Variants in MSH4 observed in about 807,000 individuals in gnomAD.
MSH4 encodes the protein mutS homolog 4.
MSH4 carries 106 observed loss-of-function variants against 113.7 expected under a neutral mutation model. The observed-to-expected ratio is 0.93, with a 90% CI of 0.80 to 1.10. The LOEUF is 1.10. Ranked by LOEUF, MSH4 falls within the 50% of genes least tolerant of loss-of-function variation. The pLI, the probability that MSH4 is intolerant of heterozygous loss-of-function variation, is 0.00. For synonymous variants in MSH4, 368 were observed against 380.2 expected (o/e 0.97, Z 0.37); for missense variants, 1,061 against 1,093.7 (o/e 0.97, Z 0.42).
intron 8 of MSH4, among the ~76,000 whole-genome samples, chr1:75,849,855 A>G (rs1307834378): frequency 6.6e-6 from 1 of 152,158 alleles, no homozygotes; most frequent in African/African-American, 2.4e-5. Context: ...TATAAATTCC[A>G]CTTATTAAAT....
intron 7 of MSH4, among the ~76,000 whole-genome samples, chr1:75,835,589 C>A: frequency 6.6e-6 from 1 of 152,132 alleles, no homozygotes; most frequent in East Asian, 1.9e-4. Context: ...CTAATTCCTC[C>A]ATCTGTTCCC....
chr1:75,875,438 ACATT>A (rs774030704), intron 9 of MSH4, among the ~76,000 whole-genome samples: 15 of 152,362 alleles, frequency 9.8e-5, no homozygotes, highest in Middle Eastern at 3.4e-3. Context: ...GGAGCAGCAC[ACATT>A]CATAACAGAA....
intron 14 of MSH4, among the ~76,000 whole-genome samples, chr1:75,882,194 G>T (rs1256527515): frequency 6.6e-6 from 1 of 151,952 alleles, no homozygotes; most frequent in East Asian, 1.9e-4. Flanking sequence ...TACTTTAGGG[G>T]TCAGATATTC....
At chr1:75,839,674 T>C (rs1477212302) in intron 7 of MSH4, among the ~76,000 whole-genome samples, 1 of 151,488 alleles carries the variant, frequency 6.6e-6, no homozygotes, top group East Asian at 1.9e-4. Context: ...AAATGGGATC[T>C]AATTAAACTA....
At chr1:75,828,360 A>G (rs909298766) in intron 7 of MSH4, among the ~76,000 whole-genome samples, 1 of 152,200 alleles carries the variant, frequency 6.6e-6, no homozygotes, top group African/African-American at 2.4e-5. Flanking sequence ...CTGCACTCAC[A>G]TGTTTATTGC....
chr1:75,861,405 C>G (rs1440606505), intron 8 of MSH4, among the ~76,000 whole-genome samples: 1 of 152,214 alleles, frequency 6.6e-6, no homozygotes, highest in Non-Finnish European at 1.5e-5. Context: ...ATGGTTTTAT[C>G]TACCTTTGTC....
At chr1:75,907,689 CATATATATA>C (rs1652694596) in intron 19 of MSH4, among the ~76,000 whole-genome samples, 4 of 78,622 alleles carry the variant, frequency 5.1e-5, no homozygotes, top group African/African-American at 1.2e-4. Context: ...TCTCTCTATA[CATATATATA>C]TATATATATA....
At chr1:75,831,443 A>G (rs1302760363) in intron 7 of MSH4, among the ~76,000 whole-genome samples, 2 of 152,170 alleles carry the variant, frequency 1.3e-5, no homozygotes, top group South Asian at 2.1e-4. Context: ...GACCTAACAG[A>G]CATCTACAGA....
intron 15 of MSH4, 97 bp from the exon 16 acceptor site, chr1:75,889,154 C>G: frequency 1.6e-6 from 1 of 621,454 alleles, no homozygotes; most frequent in South Asian, 1.9e-5. Context: ...TTCTTTCTAC[C>G]ATATAATCCT....
intron 7 of MSH4, 75 bp from the exon 8 acceptor site, chr1:75,848,134 G>A: frequency 1.1e-6 from 1 of 922,008 alleles, no homozygotes; most frequent in Non-Finnish European, 1.7e-6. Flanking sequence ...ATTCTTTGAG[G>A]ATAATATTTT....
chr1:75,889,388 T>A lies in MSH4; in HGVS notation c.2226+19T>A. ...GAAAGAGGTACCCAAACAAAACTTT[T>A]CTTATGTTAAAAACATTAAATTCTC... On this transcript the variant is annotated intron_variant, in intron 16 of 19. Coordinates refer to ENST00000263187, the MANE Select transcript of MSH4 (RefSeq NM_002440.4). The A allele has an allele frequency of 8.8e-7, 1 of 1,132,566 alleles. No individual in the cohort carries two copies. Among genetic ancestry groups the A allele is most frequent in the Non-Finnish European group, 1.3e-6 (1 of 780,212 alleles). The allele number at this position is 1,132,566 out of a possible 1,614,324, so 70.2% of individuals were successfully genotyped here.
intron 1 of MSH4, among the ~76,000 whole-genome samples, chr1:75,802,651 G>A (rs1433946739): frequency 3.3e-5 from 5 of 152,108 alleles, no homozygotes; most frequent in African/African-American, 7.2e-5. Context: ...TTTGCATAGG[G>A]GAGAGAAATT....
intron 2 of MSH4, among the ~76,000 whole-genome samples, chr1:75,805,761 T>G (rs751667650): frequency 3.9e-5 from 6 of 152,178 alleles, no homozygotes; most frequent in Non-Finnish European, 7.3e-5. Flanking sequence ...TTTAATTCCA[T>G]CAATAGTGTA....
At position 75,797,021 on chromosome 1, in the gene MSH4, T is replaced by C; in HGVS notation, c.36T>C (p.Ser12=). The change falls in exon 1 of 20, where the codon TCT becomes TCC. Residue 12 remains serine, a synonymous_variant. Coordinates refer to ENST00000263187, the MANE Select transcript of MSH4 (RefSeq NM_002440.4). ...LRPEISSTSP[S]APAVSPSSGE... The stretch of plus-strand genomic sequence containing the variant: ...CTGAGATCTCATCAACCTCGCCTTC[T>C]GCCCCGGCGGTTTCCCCGTCGTCGG... 2 of 1,614,122 alleles carry C rather than the reference T, an allele frequency of 1.2e-6. No homozygotes were observed. The highest frequency in any genetic ancestry group is 1.7e-6 in the Non-Finnish European group (2 of 1,180,002).
chr1:75,804,215 A>C (rs921111266), intron 2 of MSH4, among the ~76,000 whole-genome samples: 3 of 152,110 alleles, frequency 2.0e-5, no homozygotes, highest in Non-Finnish European at 4.4e-5. Flanking sequence ...GTTGACCCTG[A>C]TATTACTAGT....
Position 75,810,874 on chromosome 1 carries a change from A to G in MSH4, c.699+67A>G, listed in dbSNP as rs1650176335. The G allele has an allele frequency of 2.4e-5, 18 of 765,718 alleles. 1 individual carries two copies. The highest frequency in any genetic ancestry group is 4.0e-4 in the Middle Eastern group (1 of 2,518). 47.4% of individuals were successfully genotyped at this position (765,718 alleles called of 1,614,324 possible). A position where few individuals can be genotyped will look rare whatever the true frequency, so the allele number is the denominator to read the frequency against. Reference sequence around the variant, plus strand: ...CTTATTTATTTATTTGTTATTTATTATTTATTTATTTTTTTGAGACAGAGT... The same window carrying G: ...CTTATTTATTTATTTGTTATTTATTGTTTATTTATTTTTTTGAGACAGAGT... On this transcript the variant is annotated intron_variant, in intron 4 of 19. Transcript: ENST00000263187.
At chr1:75,832,117 C>T (rs976549221) in intron 7 of MSH4, among the ~76,000 whole-genome samples, 5 of 152,168 alleles carry the variant, frequency 3.3e-5, no homozygotes, top group Non-Finnish European at 7.3e-5. Context: ...ACCACCAATT[C>T]CACAGGAATG....
At position 75,867,574 on chromosome 1, in the gene MSH4, G is replaced by A; in HGVS notation, c.1291G>A (p.Val431Met). ...LIYLKHTLEL[V>M]DPLKIAMKNC... is the part of the protein sequence containing the mutation. Reference sequence around the variant, plus strand: ...ATACTTAAAACATACCTTGGAACTTGTGGATCCTTTAAAGGTAATTTATGT... The same window carrying A: ...ATACTTAAAACATACCTTGGAACTTATGGATCCTTTAAAGGTAATTTATGT... Residue 431 changes from valine (V) to methionine (M), a missense_variant, in exon 9 of 20, where the codon GTG becomes ATG. Val to Met is a conservative substitution (Grantham distance 21). Transcript: ENST00000263187. 1 of 1,573,158 alleles carries A rather than the reference G, an allele frequency of 6.4e-7. No individual in the cohort carries two copies. The highest frequency in any genetic ancestry group is 8.7e-7 in the Non-Finnish European group (1 of 1,149,832).
intron 10 of MSH4, among the ~76,000 whole-genome samples, chr1:75,877,946 G>A (rs1424089345): frequency 6.6e-6 from 1 of 152,158 alleles, no homozygotes; most frequent in Non-Finnish European, 1.5e-5. Flanking sequence ...TGCTGTTTTA[G>A]ACTAGTCCTG....
Sources: allele counts gnomAD v4.1 joint callset (sites outside exome capture counted in the v4.1 genomes callset), GRCh38; gene constraint gnomAD v4.1.1; transcripts MANE v1.5; gene names NCBI Gene and HGNC (gene_info 2026-07-23, HGNC 2026-07-21).